Variants in RPH3A observed in about 807,000 individuals in gnomAD.
RPH3A encodes the protein rabphilin 3A, also known as rabphilin-3A.
Under a neutral mutation model 102.2 loss-of-function variants are expected in RPH3A, and 48 were observed. The observed-to-expected ratio is 0.47, with a 90% CI of 0.37 to 0.60. RPH3A has a LOEUF of 0.60. Ranked by LOEUF, RPH3A falls within the 20% of genes least tolerant of loss-of-function variation. RPH3A has a pLI of 0.00. For missense variants in RPH3A, 781 were observed against 910.1 expected (o/e 0.86, Z 1.83); for synonymous variants, 310 against 324.3 (o/e 0.96, Z 0.47).
At chr12:112,858,383 T>C (rs984023511) in intron 5 of RPH3A, among the ~76,000 whole-genome samples, 12 of 151,572 alleles carry the variant, frequency 7.9e-5, no homozygotes, top group African/African-American at 2.9e-4. Context: ...CCCATCAGTC[T>C]TCAATACAAG....
chr12:112,862,514 G>A (rs2042536175), intron 5 of RPH3A, among the ~76,000 whole-genome samples: 1 of 152,226 alleles, frequency 6.6e-6, no homozygotes, highest in Non-Finnish European at 1.5e-5. Context: ...TATTACAGGA[G>A]TTCTGAGACT....
intron 1 of RPH3A, among the ~76,000 whole-genome samples, chr12:112,651,420 A>T (rs2039974520): frequency 6.6e-6 from 1 of 151,814 alleles, no homozygotes; most frequent in East Asian, 1.9e-4. Context: ...CCCAACAAAA[A>T]CCAACTCCCG....
chr12:112,613,713 T>C (rs1424623360), intron 1 of RPH3A, among the ~76,000 whole-genome samples: 1 of 151,908 alleles, frequency 6.6e-6, no homozygotes, highest in Admixed American at 6.6e-5. Flanking sequence ...GGTGGGGGTC[T>C]GATGGGGGAG....
chr12:112,753,020 T>A (rs2136061995), intron 1 of RPH3A, among the ~76,000 whole-genome samples: 1 of 150,152 alleles, frequency 6.7e-6, no homozygotes, highest in African/African-American at 2.5e-5. Flanking sequence ...AATATCCTTG[T>A]ACATCTATCT....
chr12:112,869,946 A>G lies in RPH3A; in HGVS notation c.703A>G (p.Arg235Gly). The G allele has an allele frequency of 6.2e-7, 1 of 1,614,120 alleles. No homozygotes were observed. Among genetic ancestry groups the G allele is most frequent in the Admixed American group, 1.7e-5 (1 of 60,012 alleles). The change falls in exon 10 of 22, where the codon AGG becomes GGG. Residue 235 changes from arginine (R) to glycine (G), a missense_variant. By Grantham distance (125) the Arg-to-Gly change is moderately radical (BLOSUM62 -2). Around this residue, in one of 2 missense-constraint regions of RPH3A, gnomAD observed 730 missense variants for 810.0 expected, o/e 0.90. Coordinates refer to ENST00000389385, the MANE Select transcript of RPH3A (RefSeq NM_001143854.2). ...AGGAAACTATGGGCCTCCCGTGCGC[A>G]GGGCCTCCGAGGCACGAATGAGCTC... Reference protein sequence around the residue: ...GRGNYGPPVRRASEARMSSSS... With the variant: ...GRGNYGPPVRGASEARMSSSS...
At chr12:112,596,927 G>A (rs190403582) in intron 1 of RPH3A, among the ~76,000 whole-genome samples, 150 of 152,182 alleles carry the variant, frequency 9.9e-4, no homozygotes, top group African/African-American at 2.9e-3. Flanking sequence ...GGTCTTGCTC[G>A]TCTTTTGTTA....
chr12:112,687,504 G>C (rs1347260069), intron 1 of RPH3A, among the ~76,000 whole-genome samples: 2 of 152,172 alleles, frequency 1.3e-5, no homozygotes, highest in Non-Finnish European at 2.9e-5. Context: ...CTGGGGACAT[G>C]AGACTCTGAT....
At chr12:112,702,757 A>G (rs2040403847) in intron 1 of RPH3A, among the ~76,000 whole-genome samples, 1 of 152,230 alleles carries the variant, frequency 6.6e-6, no homozygotes. Context: ...GTCAAGTGAG[A>G]CACATGCCAT....
intron 1 of RPH3A, among the ~76,000 whole-genome samples, chr12:112,662,925 T>C (rs2040058768): frequency 6.6e-6 from 1 of 152,024 alleles, no homozygotes; most frequent in South Asian, 2.1e-4. Context: ...AGGAGACTTC[T>C]CTGGGATTGA....
intron 1 of RPH3A, among the ~76,000 whole-genome samples, chr12:112,705,621 C>T (rs190682307): frequency 1.4e-4 from 22 of 152,066 alleles, no homozygotes; most frequent in African/African-American, 5.3e-4. Flanking sequence ...AAATTAAGAT[C>T]CTTTAAAAAT....
chr12:112,651,870 GT>G (rs2135997696), intron 1 of RPH3A: 1 of 152,288 alleles, frequency 6.6e-6, no homozygotes, highest in Admixed American at 6.5e-5. Flanking sequence ...TGTGAGGCTT[GT>G]TTTACATAGC....
intron 1 of RPH3A, among the ~76,000 whole-genome samples, chr12:112,785,828 G>C (rs1204465858): frequency 3.3e-5 from 5 of 152,176 alleles, no homozygotes; most frequent in African/African-American, 1.2e-4. Context: ...CGTCTCTGCT[G>C]TTGCTGTCCT....
intron 8 of RPH3A, 60 bp downstream of exon 8, chr12:112,868,655 C>G: frequency 6.5e-7 from 1 of 1,547,870 alleles, no homozygotes. Flanking sequence ...ACTGGTCTAC[C>G]TGAGGGATGG....
chr12:112,743,593 G>A (rs1199723205), intron 1 of RPH3A, among the ~76,000 whole-genome samples: 1 of 152,144 alleles, frequency 6.6e-6, no homozygotes, highest in African/African-American at 2.4e-5. Flanking sequence ...GTAGGCGCTC[G>A]GTAAATGTTG....
rs1348156728 is a variant in RPH3A, at chr12:112,869,932, G to C, written c.689G>C (p.Gly230Ala). 2 of 1,613,952 alleles carry C rather than the reference G, an allele frequency of 1.2e-6. No individual in the cohort carries two copies. The highest frequency in any genetic ancestry group is 2.7e-5 in the African/African-American group (2 of 74,894). Reference sequence around the variant, plus strand: ...TCTGCTCCCGGGCGAGGAAACTATGGGCCTCCCGTGCGCAGGGCCTCCGAG... The same window carrying C: ...TCTGCTCCCGGGCGAGGAAACTATGCGCCTCCCGTGCGCAGGGCCTCCGAG... ...PASAPGRGNYGPPVRRASEAR... is the reference protein window; with the variant it reads ...PASAPGRGNYAPPVRRASEAR... The change falls in exon 10 of 22, where the codon GGG becomes GCG. Residue 230 changes from glycine to alanine, a missense_variant. Gly to Ala is a moderately conservative substitution (Grantham distance 60). Around this residue, in one of 2 missense-constraint regions of RPH3A, gnomAD observed 730 missense variants for 810.0 expected, o/e 0.90. Coordinates refer to ENST00000389385, the MANE Select transcript of RPH3A (RefSeq NM_001143854.2).
chr12:112,654,277 G>T (rs2039995628), intron 1 of RPH3A, among the ~76,000 whole-genome samples: 1 of 152,132 alleles, frequency 6.6e-6, no homozygotes, highest in Non-Finnish European at 1.5e-5. Context: ...TTTCAGTGTT[G>T]GGGTCCTTAT....
intron 1 of RPH3A, among the ~76,000 whole-genome samples, chr12:112,715,218 C>T (rs976871978): frequency 3.9e-5 from 6 of 152,180 alleles, no homozygotes; most frequent in Admixed American, 3.9e-4. Context: ...CACCCTTTCT[C>T]CAGGTATTCA....
intron 1 of RPH3A, among the ~76,000 whole-genome samples, chr12:112,710,123 C>T (rs796774275): frequency 6.6e-6 from 1 of 152,166 alleles, no homozygotes; most frequent in African/African-American, 2.4e-5. Context: ...TACAGGCGCC[C>T]GCCACTACGC....
In RPH3A at chr12:112,870,006, G is replaced by C. The variant is rs779991033; in HGVS notation, c.763G>C (p.Gly255Arg). The change falls in exon 10 of 22, where the codon GGG becomes CGG. Residue 255 changes from glycine to arginine, a missense_variant. By Grantham distance (125) the Gly-to-Arg change is moderately radical. This residue lies in a region of RPH3A where 730 missense variants were observed against 810.0 expected (regional missense o/e 0.90). Coordinates refer to ENST00000389385, the MANE Select transcript of RPH3A (RefSeq NM_001143854.2). Reference protein sequence around the residue: ...SRDSESWDHSGGAGDSSRSPA... With the variant: ...SRDSESWDHSRGAGDSSRSPA... ...AGATTCAGAGAGCTGGGACCACAGTGGGGGTGCTGGAGACTCCAGCCGGAG... is the reference window on the plus strand; with the variant it reads ...AGATTCAGAGAGCTGGGACCACAGTCGGGGTGCTGGAGACTCCAGCCGGAG... 1.1e-5 allele frequency: 17 copies of C among 1,614,016 alleles called. No individual in the cohort carries two copies. The highest frequency in any genetic ancestry group is 8.3e-5 in the Admixed American group (5 of 59,996).
Sources: gnomAD v4.1 joint callset for allele counts (sites outside exome capture counted in the v4.1 genomes callset) on GRCh38, gnomAD v4.1.1 for gene constraint, gnomAD v4.1.1 regional missense constraint, MANE v1.5 for transcripts, NCBI Gene and HGNC (gene_info 2026-07-23, HGNC 2026-07-21) for gene names.